Variants in SCAPER observed in about 807,000 individuals in gnomAD.
SCAPER encodes S-phase cyclin A associated protein in the ER.
In SCAPER, 98 loss-of-function variants were observed where a neutral mutation model predicts 182.2. The observed-to-expected ratio is 0.54, with a 90% CI of 0.46 to 0.64. The LOEUF is 0.64. Among genes scored for constraint, SCAPER ranks in the 30% least tolerant of loss-of-function variants. The pLI is 0.00. For missense variants in SCAPER, 1,432 were observed against 1,690.0 expected (o/e 0.85, Z 2.68); for synonymous variants, 605 against 564.6 (o/e 1.07, Z -1.01).
intron 23 of SCAPER, among the ~76,000 whole-genome samples, chr15:76,552,013 T>G (rs2045813775): frequency 6.6e-6 from 1 of 152,034 alleles, no homozygotes; most frequent in Admixed American, 6.6e-5. Flanking sequence ...AAGCTGGGCA[T>G]GGTGGCTCAT....
intron 22 of SCAPER, among the ~76,000 whole-genome samples, chr15:76,603,127 T>G (rs529901717): frequency 8.4e-6 from 1 of 118,964 alleles, no homozygotes; most frequent in African/African-American, 2.5e-5. Context: ...GTTGGTGTGC[T>G]GCACCCATTA....
chr15:76,855,869 T>C, intron 4 of SCAPER: 1 of 438,280 alleles, frequency 2.3e-6, no homozygotes, highest in Non-Finnish European at 4.6e-6. Flanking sequence ...TGGCGATTCC[T>C]CAAAGAGCTA....
chr15:76,688,843 CTTTTTT>C (rs71143353), intron 20 of SCAPER, among the ~76,000 whole-genome samples: 1 of 92,394 alleles, frequency 1.1e-5, no homozygotes, highest in Non-Finnish European at 2.1e-5. Flanking sequence ...AAATGCCTCT[CTTTTTT>C]TTTTTTTTTT....
intron 22 of SCAPER, among the ~76,000 whole-genome samples, chr15:76,598,462 A>G (rs185485733): frequency 8.2e-6 from 1 of 121,990 alleles, no homozygotes; most frequent in East Asian, 2.2e-4. Flanking sequence ...TACATACCCA[A>G]AGGATTATAA....
chr15:76,411,687 C>A (rs1172771301), intron 26 of SCAPER, among the ~76,000 whole-genome samples: 2 of 152,112 alleles, frequency 1.3e-5, no homozygotes, highest in Non-Finnish European at 2.9e-5. Context: ...TTTAAATTTA[C>A]AAATTTATAG....
chr15:76,574,693 T>A (rs1197503410), intron 22 of SCAPER, among the ~76,000 whole-genome samples: 3 of 152,214 alleles, frequency 2.0e-5, no homozygotes, highest in African/African-American at 7.2e-5. Flanking sequence ...TTATAAACTC[T>A]CAGAATGTTG....
At chr15:76,784,785 T>C (rs1324693539) in intron 8 of SCAPER, among the ~76,000 whole-genome samples, 1 of 151,858 alleles carries the variant, frequency 6.6e-6, no homozygotes, top group Non-Finnish European at 1.5e-5. Flanking sequence ...AGAAAAAGGA[T>C]TCCCTATTTC....
At chr15:76,505,115 C>A (rs1383267788) in intron 23 of SCAPER, 141 bp from the exon 24 acceptor site, 26 of 667,630 alleles carry the variant, frequency 3.9e-5, no homozygotes, top group Non-Finnish European at 5.9e-5. Context: ...ATGCTACTCA[C>A]TGCTAATTGT....
chr15:76,857,114 G>A (rs765345258), intron 4 of SCAPER, among the ~76,000 whole-genome samples: 27 of 152,002 alleles, frequency 1.8e-4, no homozygotes, highest in Non-Finnish European at 3.5e-4. Context: ...CATAGCAGAG[G>A]AGCTAAGAGC....
chr15:76,844,789 A>G (rs947591110), intron 4 of SCAPER, among the ~76,000 whole-genome samples: 5 of 152,162 alleles, frequency 3.3e-5, no homozygotes, highest in Non-Finnish European at 7.4e-5. Flanking sequence ...CAAACATTTA[A>G]AAAAGAACTA....
intron 23 of SCAPER, among the ~76,000 whole-genome samples, chr15:76,523,351 C>A (rs2042961992): frequency 6.6e-6 from 1 of 152,082 alleles, no homozygotes; most frequent in Non-Finnish European, 1.5e-5. Flanking sequence ...GTTTCTCAAA[C>A]CAGCCAACCC....
intron 27 of SCAPER, chr15:76,385,058 G>A (rs1356536642): frequency 6.6e-6 from 1 of 152,148 alleles, no homozygotes. Context: ...AGGTCTCCAG[G>A]ACTAGAGATC....
At chr15:76,688,553 A>G (rs916247381) in intron 20 of SCAPER, among the ~76,000 whole-genome samples, 18 of 152,040 alleles carry the variant, frequency 1.2e-4, no homozygotes, top group African/African-American at 4.3e-4. Context: ...TTCTTCTACA[A>G]TTTTTATGGT....
intron 21 of SCAPER, among the ~76,000 whole-genome samples, chr15:76,631,389 G>A (rs2053096172): frequency 1.3e-5 from 2 of 152,236 alleles, no homozygotes; most frequent in South Asian, 2.1e-4. Flanking sequence ...TAATGTCACT[G>A]GTCTGTGTAT....
chr15:76,901,532 T>C (rs1353258666), intron 1 of SCAPER, among the ~76,000 whole-genome samples: 1 of 152,234 alleles, frequency 6.6e-6, no homozygotes, highest in East Asian at 1.9e-4. Flanking sequence ...ATATTGCTCA[T>C]GTATAATATA....
At chr15:76,510,908 A>C (rs1170356330) in intron 23 of SCAPER, among the ~76,000 whole-genome samples, 2 of 151,398 alleles carry the variant, frequency 1.3e-5, no homozygotes, top group Admixed American at 1.3e-4. Flanking sequence ...CACGTATGGA[A>C]TACTACTCAG....
At chr15:76,590,569 A>ATGCC (rs2049031269) in intron 22 of SCAPER, among the ~76,000 whole-genome samples, 1 of 152,230 alleles carries the variant, frequency 6.6e-6, no homozygotes, top group Admixed American at 6.5e-5. Context: ...AAAAAAGGGA[A>ATGCC]TGCCTATATA....
chr15:76,779,174 AAATG>A (rs1390820675), intron 8 of SCAPER, among the ~76,000 whole-genome samples: 1 of 152,130 alleles, frequency 6.6e-6, no homozygotes, highest in Non-Finnish European at 1.5e-5. Flanking sequence ...AATATAAAAG[AAATG>A]AATAAGATCA....
At position 76,602,986 on chromosome 15, in the gene SCAPER, T is replaced by TG. The variant is rs1361280688; in HGVS notation, c.2711+18777_2711+18778insC. ...AAGACAGCAAGAAAACTTTTTTTTT[T>TG]TTTTTGGTTTGGATCCTCAATAGTT... On this transcript the variant is annotated intron_variant, in intron 22 of 31. Transcript: ENST00000563290. Among the ~76,000 whole-genome samples, 5 of 115,944 alleles carry TG rather than the reference T, an allele frequency of 4.3e-5. 2 individuals carry two copies. Among genetic ancestry groups the TG allele is most frequent in the African/African-American group, 7.7e-5 (3 of 38,860 alleles). 76.1% of individuals were successfully genotyped at this position (115,944 alleles called of 152,430 possible).
Sources: gnomAD v4.1 joint callset for allele counts (sites outside exome capture counted in the v4.1 genomes callset) on GRCh38, gnomAD v4.1.1 for gene constraint, MANE v1.5 for transcripts, NCBI Gene and HGNC (gene_info 2026-07-23, HGNC 2026-07-21) for gene names.